Variants in AFF3 observed in about 807,000 individuals in gnomAD.
AFF3 encodes AF4/FMR2 family member 3.
Under a neutral mutation model 129.7 loss-of-function variants are expected in AFF3, and 32 were observed. That is an observed-to-expected ratio of 0.25 (90% CI 0.19 to 0.33). The LOEUF is 0.33. AFF3 is among the 10% of genes least tolerant of loss of function. AFF3 has a pLI of 1.00. For missense variants in AFF3, 1,373 were observed against 1,592.0 expected, an observed-to-expected ratio of 0.86 and a Z score of 2.34; for synonymous variants, 644 against 635.4, an observed-to-expected ratio of 1.01 and a Z score of -0.20.
At chr2:99,885,018 G>A (rs953864555) in intron 7 of AFF3, among the ~76,000 whole-genome samples, 1 of 152,062 alleles carries the variant, frequency 6.6e-6, no homozygotes, top group Non-Finnish European at 1.5e-5. Context: ...CTACTGCCAC[G>A]TGAATCTTAA....
intron 8 of AFF3, among the ~76,000 whole-genome samples, chr2:99,815,012 G>A (rs1363091676): frequency 6.6e-6 from 1 of 151,908 alleles, no homozygotes. Context: ...ATCCCCCCCG[G>A]CTGATTTTTG....
At chr2:99,713,155 G>A (rs771475830) in intron 11 of AFF3, among the ~76,000 whole-genome samples, 5 of 152,224 alleles carry the variant, frequency 3.3e-5, no homozygotes, top group East Asian at 1.9e-4. Context: ...CTAAGGAGAG[G>A]GTGGTGACGG....
intron 15 of AFF3, among the ~76,000 whole-genome samples, chr2:99,590,557 T>A (rs571910962): frequency 4.6e-5 from 7 of 152,216 alleles, no homozygotes; most frequent in African/African-American, 1.7e-4. Flanking sequence ...GGATTTGAAG[T>A]CAGGACACTT....
intron 13 of AFF3, among the ~76,000 whole-genome samples, chr2:99,614,787 C>G (rs930930646): frequency 5.3e-5 from 8 of 152,152 alleles, no homozygotes; most frequent in Admixed American, 5.2e-4. Flanking sequence ...TTTTCTTTTT[C>G]AGATGGGTGA....
At chr2:99,933,644 C>A (rs573405799) in intron 7 of AFF3, among the ~76,000 whole-genome samples, 1 of 152,250 alleles carries the variant, frequency 6.6e-6, no homozygotes, top group South Asian at 2.1e-4. Context: ...TGGTTTCCAG[C>A]TTCATCCATG....
intron 13 of AFF3, among the ~76,000 whole-genome samples, chr2:99,627,191 C>T (rs1353881069): frequency 6.6e-6 from 1 of 152,182 alleles, no homozygotes; most frequent in Non-Finnish European, 1.5e-5. Context: ...TACATTCCCA[C>T]CAACAGTGTA....
Position 99,582,860 on chromosome 2 carries a change from C to G in AFF3, c.2731G>C (p.Ala911Pro), listed in dbSNP as rs1677707808. 6.2e-7 allele frequency: 1 copy of G among 1,614,214 alleles called. No individual in the cohort carries two copies. Among genetic ancestry groups the G allele is most frequent in the Non-Finnish European group, 8.5e-7 (1 of 1,180,046 alleles). Reference protein sequence around the residue: ...RPNGNSLFTSASSSKKPKADS... With the variant: ...RPNGNSLFTSPSSSKKPKADS... ...GCCTTAGGCTTTTTGCTGGAAGAGG[C>G]TGAAGTAAACAAACTGTTGCCATTA... The change falls in exon 17 of 25, where the codon GCC (alanine) becomes CCC (proline). Residue 911 changes from alanine (A) to proline (P), a missense_variant. Physicochemically the swap from Ala to Pro is conservative, Grantham distance 27. Coordinates refer to ENST00000672756, the MANE Select transcript of AFF3 (RefSeq NM_001386135.1).
intron 10 of AFF3, among the ~76,000 whole-genome samples, chr2:99,735,020 A>C (rs923034844): frequency 2.0e-5 from 3 of 152,214 alleles, no homozygotes; most frequent in African/African-American, 7.2e-5. Context: ...TGATTTTTAA[A>C]AAATTACTGG....
At chr2:100,028,324 G>A (rs1286703212) in intron 4 of AFF3, among the ~76,000 whole-genome samples, 1 of 152,128 alleles carries the variant, frequency 6.6e-6, no homozygotes, top group Non-Finnish European at 1.5e-5. Context: ...AAAACTGTCA[G>A]AAATGCTCAG....
intron 2 of AFF3, among the ~76,000 whole-genome samples, chr2:100,124,346 G>A (rs996725738): frequency 2.0e-5 from 3 of 152,194 alleles, no homozygotes; most frequent in Admixed American, 6.5e-5. Context: ...AGCTTGCCTA[G>A]GCACAGCTTT....
chr2:99,688,651 C>A (rs540791227), intron 11 of AFF3, among the ~76,000 whole-genome samples: 1 of 152,086 alleles, frequency 6.6e-6, no homozygotes, highest in Non-Finnish European at 1.5e-5. Flanking sequence ...TTTCTGGCCA[C>A]CCTTCAGAGC....
chr2:100,019,225 A>G (rs979107100), intron 4 of AFF3, among the ~76,000 whole-genome samples: 4 of 151,978 alleles, frequency 2.6e-5, no homozygotes, highest in South Asian at 2.1e-4. Context: ...CCCGAATCCA[A>G]CTCGACTTCT....
chr2:100,014,866 CT>C (rs199947492), intron 4 of AFF3, among the ~76,000 whole-genome samples: 15,024 of 149,236 alleles, frequency 0.1, 1,055 homozygotes, highest in Non-Finnish European at 0.15. Flanking sequence ...TCACTGCAAC[CT>C]CCGCCTCCCA....
At chr2:99,604,840 A>T (rs1002441167) in intron 13 of AFF3, among the ~76,000 whole-genome samples, 24 of 152,238 alleles carry the variant, frequency 1.6e-4, no homozygotes. Flanking sequence ...AATAAAGAAC[A>T]TTCTGATTGG....
chr2:99,965,693 A>G (rs956820226), intron 7 of AFF3, among the ~76,000 whole-genome samples: 3 of 152,208 alleles, frequency 2.0e-5, no homozygotes, highest in African/African-American at 7.2e-5. Flanking sequence ...ATCCACTCTC[A>G]AGAGTTTGGT....
chr2:99,751,540 T>C (rs536321233), intron 9 of AFF3, among the ~76,000 whole-genome samples: 65 of 152,324 alleles, frequency 4.3e-4, no homozygotes, highest in Admixed American at 2.1e-3. Flanking sequence ...AAATGGCACA[T>C]AAACTCCTGA....
chr2:99,907,702 G>A (rs764594), intron 7 of AFF3, among the ~76,000 whole-genome samples: 1 of 151,764 alleles, frequency 6.6e-6, no homozygotes, highest in Non-Finnish European at 1.5e-5. Context: ...ACAATGGCAC[G>A]ATCCCAGCTT....
chr2:99,742,604 T>C (rs1680808507), intron 10 of AFF3, among the ~76,000 whole-genome samples: 1 of 152,212 alleles, frequency 6.6e-6, no homozygotes, highest in African/African-American at 2.4e-5. Flanking sequence ...GGTGAAGTGA[T>C]AGCAGCAGCT....
intron 11 of AFF3, among the ~76,000 whole-genome samples, chr2:99,687,055 C>T (rs1308104065): frequency 6.6e-6 from 1 of 152,224 alleles, no homozygotes; most frequent in Non-Finnish European, 1.5e-5. Flanking sequence ...AACTCAGGCT[C>T]ACTGAATTTT....
Sources: allele counts gnomAD v4.1 joint callset (sites outside exome capture counted in the v4.1 genomes callset), GRCh38; gene constraint gnomAD v4.1.1; transcripts MANE v1.5; gene names NCBI Gene and HGNC (gene_info 2026-07-23, HGNC 2026-07-21).